Variants in KREMEN1 observed in about 807,000 individuals in gnomAD.
KREMEN1 encodes the protein kremen protein 1.
Under a neutral mutation model 46.5 loss-of-function variants are expected in KREMEN1, and 30 were observed. That is an observed-to-expected ratio of 0.65 (90% confidence interval 0.48 to 0.88). The LOEUF (loss-of-function observed/expected upper bound fraction) is 0.88, where lower values mean the gene tolerates loss of function less well. KREMEN1 is among the 40% of genes least tolerant of loss of function. The pLI is 0.00. For missense variants in KREMEN1, 533 were observed against 596.9 expected (o/e 0.89, Z 1.11); for synonymous variants, 214 against 230.6 (o/e 0.93, Z 0.65).
In KREMEN1 at chr22:29,143,878, G is replaced by C; in HGVS notation, c.*1766G>C. Reference sequence around the variant, plus strand: ...CCTTGCCACCCTGTCCCTTAGATAGGGAGGTGGGCTGCAGAGATTGGTGCC... The same window carrying C: ...CCTTGCCACCCTGTCCCTTAGATAGCGAGGTGGGCTGCAGAGATTGGTGCC... On this transcript the variant is annotated 3_prime_UTR_variant, in exon 9 of 9. Coordinates refer to ENST00000400335, the MANE Select transcript of KREMEN1 (RefSeq NM_001039570.3). The C allele has an allele frequency of 1.0e-6, 1 of 985,506 alleles. No homozygotes were observed. Among genetic ancestry groups the C allele is most frequent in the Non-Finnish European group, 1.2e-6 (1 of 829,982 alleles). 61.0% of individuals were successfully genotyped at this position (985,506 alleles called of 1,614,324 possible). A position where few individuals can be genotyped will look rare whatever the true frequency, so the allele number is the denominator to read the frequency against.
intron 2 of KREMEN1, among the ~76,000 whole-genome samples, chr22:29,096,467 AC>A (rs1428421084): frequency 6.6e-6 from 1 of 152,200 alleles, no homozygotes; most frequent in Admixed American, 6.5e-5. Context: ...CTAGAAATGT[AC>A]CCATAAACAT....
In KREMEN1 at chr22:29,140,214, T is replaced by G. The variant is rs145885008; in HGVS notation, c.1124-68T>G. Reference sequence around the variant, plus strand: ...CAGCCAGACTTACTCACTTGGGTATTCCAGCCGACCTCCTTTCGAAAACCA... The same window carrying G: ...CAGCCAGACTTACTCACTTGGGTATGCCAGCCGACCTCCTTTCGAAAACCA... On this transcript the variant is annotated intron_variant, in intron 7 of 8. Coordinates refer to ENST00000400335, the MANE Select transcript of KREMEN1 (RefSeq NM_001039570.3). The G allele has an allele frequency of 1.4e-4, 177 of 1,264,778 alleles. No homozygotes were observed. In the African/African-American group the frequency reaches 2.0e-3, roughly 15 times the overall value. The allele number at this position is 1,264,778 out of a possible 1,614,324, so 78.3% of individuals were successfully genotyped here.
rs1601817288 is a variant in KREMEN1 at position 29,146,060 on chromosome 22, C to G, written c.*3948C>G. The G allele has an allele frequency of 1.0e-6, 1 of 986,010 alleles. No individual in the cohort carries two copies. Among genetic ancestry groups the G allele is most frequent in the Non-Finnish European group, 1.2e-6 (1 of 830,060 alleles). The allele number at this position is 986,010 out of a possible 1,614,324, so 61.1% of individuals were successfully genotyped here. On this transcript the variant is annotated 3_prime_UTR_variant, in exon 9 of 9. Coordinates refer to ENST00000400335, the MANE Select transcript of KREMEN1 (RefSeq NM_001039570.3). ...GCGGATGGCCTCCGAGACCCTGCCT[C>G]CCTGGTCTGCTGAGGTCAGGCCAGG... is the stretch of plus-strand genomic sequence containing the variant.
rs1392995229 is a variant in KREMEN1 at position 29,143,696 on chromosome 22, C to T, written c.*1584C>T. ...GGCGGAGCTTGCAGTGAGCAGAGAT[C>T]ACGCCACTGCACTCCAGCCTGGGTG... On this transcript the variant is annotated 3_prime_UTR_variant, in exon 9 of 9. Transcript: ENST00000400335. The T allele has an allele frequency of 4.2e-5, 38 of 910,514 alleles. No individual in the cohort carries two copies. Among genetic ancestry groups the T allele is most frequent in the Non-Finnish European group, 5.0e-5 (38 of 762,842 alleles). 56.4% of individuals were successfully genotyped at this position (910,514 alleles called of 1,614,324 possible). A position where few individuals can be genotyped will look rare whatever the true frequency, so the allele number is the denominator to read the frequency against.
chr22:29,154,876 A>G (rs2038947558), intron 9 of KREMEN1: 1 of 152,216 alleles, frequency 6.6e-6, no homozygotes, highest in East Asian at 1.9e-4. Flanking sequence ...AAACCTGGAC[A>G]TTAGCCCAGG....
chr22:29,165,649 A>T (rs1159729008), intron 9 of KREMEN1, among the ~76,000 whole-genome samples: 1 of 152,154 alleles, frequency 6.6e-6, no homozygotes, highest in African/African-American at 2.4e-5. Flanking sequence ...TTTGCTCAAG[A>T]CCAAACAACT....
chr22:29,161,195 C>A (rs1413277055), intron 9 of KREMEN1, among the ~76,000 whole-genome samples: 2 of 152,148 alleles, frequency 1.3e-5, no homozygotes, highest in Non-Finnish European at 2.9e-5. Flanking sequence ...CTGAACAAAT[C>A]AATATCATGT....
chr22:29,124,321 T>C (rs2038405283), intron 4 of KREMEN1, among the ~76,000 whole-genome samples: 1 of 152,126 alleles, frequency 6.6e-6, no homozygotes, highest in Non-Finnish European at 1.5e-5. Context: ...TTACATACTA[T>C]ATGATTCTAT....
chr22:29,158,180 G>A (rs550586785), intron 9 of KREMEN1, among the ~76,000 whole-genome samples: 98 of 152,336 alleles, frequency 6.4e-4, no homozygotes, highest in Non-Finnish European at 1.1e-3. Context: ...AGAAACACGG[G>A]TAAAACACGG....
intron 1 of KREMEN1, among the ~76,000 whole-genome samples, chr22:29,087,857 G>A (rs560370057): frequency 6.6e-6 from 1 of 152,234 alleles, no homozygotes; most frequent in African/African-American, 2.4e-5. Flanking sequence ...GAGCCACCAC[G>A]CCCAGCCAAG....
intron 4 of KREMEN1, among the ~76,000 whole-genome samples, chr22:29,124,405 AG>A (rs918001399): frequency 2.1e-4 from 32 of 152,052 alleles, no homozygotes; most frequent in South Asian, 6.2e-4. Flanking sequence ...TTTCTGGGGG[AG>A]GGGGCCTATA....
rs2037842874 is a variant in KREMEN1 at position 29,094,238 on chromosome 22, C to T, written c.98-20C>T. On this transcript the variant is annotated intron_variant, in intron 1 of 8. Coordinates refer to ENST00000400335, the MANE Select transcript of KREMEN1 (RefSeq NM_001039570.3). ...AATGTTGCCAGAAAATTAGTTTGCT[C>T]TGTCTTTTTTTTCTTCTAGAGTGTT... 6.3e-7 allele frequency: 1 copy of T among 1,587,246 alleles called. No homozygotes were observed. The highest frequency in any genetic ancestry group is 8.6e-7 in the Non-Finnish European group (1 of 1,167,340).
chr22:29,142,141 C>T lies in KREMEN1; in HGVS notation c.*29C>T. On this transcript the variant is annotated 3_prime_UTR_variant, in exon 9 of 9. Coordinates refer to ENST00000400335, the MANE Select transcript of KREMEN1 (RefSeq NM_001039570.3). ...CCCCACTGTGCCTAGGACTTGAGGT[C>T]CCTCTTTGAGCTCAAGGCTGCCGTG... The T allele has an allele frequency of 6.5e-7, 1 of 1,529,820 alleles. No homozygotes were observed. 94.8% of individuals were successfully genotyped at this position (1,529,820 alleles called of 1,614,324 possible).
intron 1 of KREMEN1, among the ~76,000 whole-genome samples, chr22:29,087,012 C>T (rs2037740616): frequency 6.6e-6 from 1 of 152,140 alleles, no homozygotes; most frequent in South Asian, 2.1e-4. Context: ...ATCCTCTTGT[C>T]TTAGCCTCCC....
At chr22:29,081,860 A>C (rs573016812) in intron 1 of KREMEN1, among the ~76,000 whole-genome samples, 47 of 152,168 alleles carry the variant, frequency 3.1e-4, no homozygotes, top group Non-Finnish European at 6.2e-4. Flanking sequence ...TTTTACTTTG[A>C]AATGTGCTCT....
At chr22:29,163,603 C>T (rs540138688) in intron 9 of KREMEN1, among the ~76,000 whole-genome samples, 1 of 152,260 alleles carries the variant, frequency 6.6e-6, no homozygotes, top group South Asian at 2.1e-4. Flanking sequence ...TCTGGAACTC[C>T]TGACCTCAAG....
At chr22:29,159,913 C>CT (rs75784207) in intron 9 of KREMEN1, among the ~76,000 whole-genome samples, 1 of 151,910 alleles carries the variant, frequency 6.6e-6, no homozygotes, top group African/African-American at 2.4e-5. Flanking sequence ...GAGACCTGGA[C>CT]TTTTTTTTAA....
chr22:29,081,169 G>A (rs1263742816), intron 1 of KREMEN1, among the ~76,000 whole-genome samples: 1 of 151,870 alleles, frequency 6.6e-6, no homozygotes, highest in African/African-American at 2.4e-5. Flanking sequence ...ACTGTTAGTT[G>A]CCTGCCTAGG....
rs768815060 is a variant in KREMEN1 at position 29,137,516 on chromosome 22, T to C, written c.806T>C (p.Met269Thr). The stretch of plus-strand genomic sequence containing the variant: ...TTTGACATCAGGGACTCGGCGGACA[T>C]GGTGGAGCTTCTGGATGGCTACACC... ...PLFDIRDSAD[M>T]VELLDGYTHR... Residue 269 changes from methionine (M) to threonine (T), a missense_variant, in exon 6 of 9, where the codon ATG becomes ACG. Transcript: ENST00000400335. 4 of 1,612,306 alleles carry C rather than the reference T, an allele frequency of 2.5e-6. No homozygotes were observed. In the Admixed American group the frequency reaches 5.0e-5, roughly 20 times the overall value.
Sources: gnomAD v4.1 joint callset for allele counts (sites outside exome capture counted in the v4.1 genomes callset) on GRCh38, gnomAD v4.1.1 for gene constraint, MANE v1.5 for transcripts, NCBI Gene and HGNC (gene_info 2026-07-23, HGNC 2026-07-21) for gene names.